SNRPA1: variants seen among roughly 807,000 people sequenced by gnomAD.
The protein encoded by SNRPA1 is small nuclear ribonucleoprotein polypeptide A', also known as U2 small nuclear ribonucleoprotein A'.
SNRPA1 carries 5 observed loss-of-function variants against 32.3 expected under a neutral mutation model. That is an observed-to-expected ratio of 0.15 (90% CI 0.08 to 0.33). The LOEUF is 0.33. Among genes scored for constraint, SNRPA1 ranks in the 10% least tolerant of loss-of-function variants. The pLI, the probability that SNRPA1 is intolerant of heterozygous loss-of-function variation, is 1.00. For missense variants in SNRPA1, 198 were observed against 311.1 expected, an observed-to-expected ratio of 0.64 and a Z score of 2.74; for synonymous variants, 111 against 120.1, an observed-to-expected ratio of 0.92 and a Z score of 0.50.
chr15:101,284,579 C>A (rs903609720), intron 8 of SNRPA1, among the ~76,000 whole-genome samples: 1 of 151,582 alleles, frequency 6.6e-6, no homozygotes, highest in Non-Finnish European at 1.5e-5. Flanking sequence ...CTCGGCTCAC[C>A]ACAACCTCCA....
In SNRPA1 at chr15:101,292,991, G is replaced by A. The variant is rs1193153082; in HGVS notation, c.230+34C>T. ...AGGAAACACTGCAACATTTACTCTA[G>A]GGGAAAAAATTACTTTCCCCTACAG... On this transcript the variant is annotated intron_variant, in intron 2 of 8. Transcript: ENST00000254193. 2.6e-6 allele frequency: 4 copies of A among 1,514,896 alleles called. No homozygotes were observed. In the South Asian group the frequency reaches 5.2e-5, roughly 20 times the overall value. 93.8% of individuals were successfully genotyped at this position (1,514,896 alleles called of 1,614,324 possible).
intron 3 of SNRPA1, 184 bp from the exon 4 acceptor site, chr15:101,287,886 G>A (rs974480439): frequency 1.1e-5 from 6 of 556,738 alleles, no homozygotes; most frequent in Admixed American, 9.2e-5. Context: ...ATACATGGGA[G>A]CTTCTTAAAA....
chr15:101,291,515 T>C (rs2039525830), intron 3 of SNRPA1, among the ~76,000 whole-genome samples: 1 of 120,824 alleles, frequency 8.3e-6, no homozygotes, highest in Non-Finnish European at 1.7e-5. Context: ...ACTGAGATAG[T>C]TTACTTTTTT....
rs1438341100 is a variant in SNRPA1, at chr15:101,293,055, T to C, written c.200A>G (p.Lys67Arg). 3.1e-6 allele frequency: 5 copies of C among 1,611,624 alleles called. No homozygotes were observed. The highest frequency in any genetic ancestry group is 4.2e-6 in the Non-Finnish European group (5 of 1,179,124). The change falls in exon 2 of 9, where the codon AAA (lysine) becomes AGA (arginine). Residue 67 changes from lysine to arginine, a missense_variant. Around this residue, in one of 3 missense-constraint regions of SNRPA1, gnomAD observed 119 missense variants for 171.6 expected, o/e 0.69. Transcript: ENST00000254193. ...LDGFPLLRRL[K>R]TLLVNNNRIC... Reference sequence around the variant, plus strand: ...TCTGTTGTTGTTCACTAACAATGTTTTCAGTCTTCTCAACAAAGGAAAACC... The same window carrying C: ...TCTGTTGTTGTTCACTAACAATGTTCTCAGTCTTCTCAACAAAGGAAAACC...
chr15:101,286,458 T>C, intron 5 of SNRPA1, 165 bp from the exon 6 acceptor site: 3 of 561,836 alleles, frequency 5.3e-6, no homozygotes. Flanking sequence ...CTTCTTTCTT[T>C]GGTAGAGCTC....
At position 101,287,640 on chromosome 15, in the gene SNRPA1, T is replaced by C; in HGVS notation, c.356+16A>G. 9 of 1,606,418 alleles carry C rather than the reference T, an allele frequency of 5.6e-6. No homozygotes were observed. Among genetic ancestry groups the C allele is most frequent in the Non-Finnish European group, 6.8e-6 (8 of 1,173,060 alleles). ...TTTAAAGGGCTTCATTTTGTCACAA[T>C]ATGTAATTCCCATACCTTAGGTAAG... On this transcript the variant is annotated intron_variant, in intron 4 of 8. Coordinates refer to ENST00000254193, the MANE Select transcript of SNRPA1 (RefSeq NM_003090.4).
rs1381110043 is a variant in SNRPA1, at chr15:101,285,032, G to A, written c.644C>T (p.Ala215Val). The A allele has an allele frequency of 1.2e-6, 2 of 1,613,842 alleles. No individual in the cohort carries two copies. The change falls in exon 8 of 9, where the codon GCT (alanine) becomes GTT (valine). Residue 215 changes from alanine to valine, a missense_variant. Transcript: ENST00000254193. ...KNAIANASTL[A>V]EVERLKGLLQ... ...CAACCCCTTCAGCCTCTCCACTTCA[G>A]CCAGAGTTGAAGCATTTGCTATGGC...
chr15:101,285,130 T>C (rs1166769453), intron 7 of SNRPA1, 70 bp from the exon 8 acceptor site: 2 of 1,066,106 alleles, frequency 1.9e-6, no homozygotes, highest in Non-Finnish European at 2.9e-6. Context: ...GAAAACTAAG[T>C]GTCAATCACC....
Position 101,286,995 on chromosome 15 carries a change from C to G in SNRPA1, c.372G>C (p.Pro124=). 1 of 1,598,666 alleles carries G rather than the reference C, an allele frequency of 6.3e-7. No homozygotes were observed. The highest frequency in any genetic ancestry group is 1.7e-5 in the Admixed American group (1 of 59,788). ...SLTYLSILRN[P]VTNKKHYRLY... Reference sequence around the variant, plus strand: ...ATCTGTAATGCTTCTTATTGGTTACCGGATTTCTTAGGATACTACAAGAAA... The same window carrying G: ...ATCTGTAATGCTTCTTATTGGTTACGGGATTTCTTAGGATACTACAAGAAA... The change falls in exon 5 of 9, where the codon CCG becomes CCC. Residue 124 remains proline, a synonymous_variant. Transcript: ENST00000254193.
chr15:101,285,576 T>A (rs1596470181), intron 7 of SNRPA1, 150 bp downstream of exon 7: 2 of 606,748 alleles, frequency 3.3e-6, no homozygotes, highest in Middle Eastern at 2.6e-4. Context: ...AATAACTTTA[T>A]GCTAGTTTTT....
intron 4 of SNRPA1, among the ~76,000 whole-genome samples, 197 bp from the exon 5 acceptor site, chr15:101,287,207 T>A (rs2039465537): frequency 6.6e-6 from 1 of 152,248 alleles, no homozygotes; most frequent in African/African-American, 2.4e-5. Context: ...ATTATACTTT[T>A]AAGTTCTAGG....
chr15:101,286,511 A>G (rs990133463), intron 5 of SNRPA1: 13 of 519,058 alleles, frequency 2.5e-5, no homozygotes, highest in African/African-American at 3.9e-5. Flanking sequence ...AGGGGATCCC[A>G]GGGAACTAAG....
rs1224408613 is a variant in SNRPA1 at position 101,295,246 on chromosome 15, T to G, written c.-68A>C. 5.9e-6 allele frequency: 8 copies of G among 1,349,094 alleles called. No homozygotes were observed. Among genetic ancestry groups the G allele is most frequent in the Admixed American group, 2.9e-5 (1 of 34,970 alleles). 83.6% of individuals were successfully genotyped at this position (1,349,094 alleles called of 1,614,324 possible). ...CTCCCGCCAGCGAGACGTCCCAGCG[T>G]GCCCCGCGCCCCGCCGCCAGGCAGC... On this transcript the variant is annotated 5_prime_UTR_variant, in exon 1 of 9. Coordinates refer to ENST00000254193, the MANE Select transcript of SNRPA1 (RefSeq NM_003090.4).
chr15:101,285,507 G>T (rs2039445127), intron 7 of SNRPA1, among the ~76,000 whole-genome samples: 1 of 152,218 alleles, frequency 6.6e-6, no homozygotes. Context: ...CTTGGAAAAT[G>T]AGAAAGACAA....
At chr15:101,292,417 C>A (rs1381750254) in intron 2 of SNRPA1, among the ~76,000 whole-genome samples, 1 of 152,090 alleles carries the variant, frequency 6.6e-6, no homozygotes, top group African/African-American at 2.4e-5. Flanking sequence ...GAATGGTTAA[C>A]CTATGAGAAA....
intron 8 of SNRPA1, 126 bp from the exon 9 acceptor site, chr15:101,281,908 G>C (rs1357817108): frequency 1.2e-6 from 1 of 865,654 alleles, no homozygotes; most frequent in African/African-American, 1.7e-5. Flanking sequence ...ATCAAAAGCA[G>C]CACCTGCCTT....
intron 3 of SNRPA1, among the ~76,000 whole-genome samples, chr15:101,290,242 T>C (rs906499505): frequency 1.3e-5 from 2 of 152,224 alleles, no homozygotes; most frequent in Non-Finnish European, 2.9e-5. Flanking sequence ...TCAAATCCAC[T>C]ACCATGCTGT....
At chr15:101,294,305 G>A (rs1198028342) in intron 1 of SNRPA1, among the ~76,000 whole-genome samples, 1 of 152,230 alleles carries the variant, frequency 6.6e-6, no homozygotes, top group Non-Finnish European at 1.5e-5. Flanking sequence ...ATCCCGCAGC[G>A]ATGCTGCTCC....
In SNRPA1 at chr15:101,288,719, G is replaced by A. The variant is rs562286129; in HGVS notation, c.310-1017C>T. On this transcript the variant is annotated intron_variant, in intron 3 of 8. Coordinates refer to ENST00000254193, the MANE Select transcript of SNRPA1 (RefSeq NM_003090.4). ...AGACAACCCATGTTGAGAGCAACAA[G>A]GCTTGCAGGGTGACGGCCTTTGTAC... 2.0e-5 allele frequency among the ~76,000 whole-genome samples: 3 copies of A among 152,320 alleles called. No individual in the cohort carries two copies. In the East Asian group the frequency reaches 5.8e-4, roughly 29 times the overall value.
Sources: allele counts gnomAD v4.1 joint callset (sites outside exome capture counted in the v4.1 genomes callset), GRCh38; gene constraint gnomAD v4.1.1; regional missense constraint gnomAD v4.1.1; transcripts MANE v1.5; gene names NCBI Gene and HGNC (gene_info 2026-07-23, HGNC 2026-07-21).